Variants in SHPRH observed in about 807,000 individuals in gnomAD.
SHPRH encodes SNF2 histone linker PHD RING helicase.
In SHPRH, 106 loss-of-function variants were observed where a neutral mutation model predicts 202.5. That is an observed-to-expected ratio of 0.52 (90% confidence interval 0.45 to 0.62). The LOEUF (loss-of-function observed/expected upper bound fraction) is 0.62. SHPRH is among the 20% of genes least tolerant of loss of function. The probability of loss-of-function intolerance (pLI) is 0.00; values close to 1 mark genes in which losing one functional copy is unlikely to be tolerated. For missense variants in SHPRH, 1,710 were observed against 2,020.0 expected, an observed-to-expected ratio of 0.85 and a Z score of 2.94; for synonymous variants, 729 against 686.0, an observed-to-expected ratio of 1.06 and a Z score of -0.98.
chr6:145,948,079 C>T (rs1787584832), intron 5 of SHPRH, among the ~76,000 whole-genome samples, 193 bp downstream of exon 5: 1 of 151,888 alleles, frequency 6.6e-6, no homozygotes, highest in Non-Finnish European at 1.5e-5. Flanking sequence ...TCTATTATTC[C>T]AAATTCATTT....
At chr6:145,894,374 G>T in intron 26 of SHPRH, 138 bp from the exon 27 acceptor site, 1 of 490,154 alleles carries the variant, frequency 2.0e-6, no homozygotes, top group South Asian at 3.7e-5. Context: ...CTCAAATGTA[G>T]TACCATCCAT....
intron 25 of SHPRH, chr6:145,909,840 C>T (rs1783329219): frequency 6.6e-6 from 1 of 151,878 alleles, no homozygotes; most frequent in Admixed American, 6.6e-5. Flanking sequence ...TATTAAATAC[C>T]CCTTAAAAGC....
the SHPRH span, among the ~76,000 whole-genome samples, chr6:145,858,079 A>T: frequency 2.0e-5 from 3 of 152,146 alleles, no homozygotes; most frequent in Non-Finnish European, 4.4e-5. Flanking sequence ...GTTGGTGAGG[A>T]TGTGAAGAAA....
intron 25 of SHPRH, among the ~76,000 whole-genome samples, chr6:145,895,751 A>C (rs1186656699): frequency 6.6e-6 from 1 of 152,030 alleles, no homozygotes. Flanking sequence ...ATTTAAGTTC[A>C]ACTCATAGTT....
chr6:145,864,941 A>ACT (rs767915428), intron 2 of SHPRH, among the ~76,000 whole-genome samples: 2 of 95,696 alleles, frequency 2.1e-5, no homozygotes, highest in Non-Finnish European at 4.9e-5. Context: ...AAACACACAC[A>ACT]CTCACACACA....
Position 145,919,343 on chromosome 6 carries a change from A to T in SHPRH, c.4152+5T>A. ...TCCCTTTTCTGTGATTTACTTGCCA[A>T]TTACCTCATGTGGTTCAATGATATG... is the stretch of plus-strand genomic sequence containing the variant. On this transcript the variant is annotated splice_donor_5th_base_variant and intron_variant, in intron 22 of 29. Transcript: ENST00000275233. 6.2e-7 allele frequency: 1 copy of T among 1,612,438 alleles called. No homozygotes were observed. Among genetic ancestry groups the T allele is most frequent in the Non-Finnish European group, 8.5e-7 (1 of 1,179,014 alleles).
At chr6:145,874,506 CA>C (rs1484416054) in intron 2 of SHPRH, among the ~76,000 whole-genome samples, 1 of 151,894 alleles carries the variant, frequency 6.6e-6, no homozygotes, top group Non-Finnish European at 1.5e-5. Flanking sequence ...AATTGACATA[CA>C]AAAATTGTAC....
chr6:145,880,815 G>A (rs1469001707), downstream of SHPRH, among the ~76,000 whole-genome samples: 1 of 152,056 alleles, frequency 6.6e-6, no homozygotes, highest in Non-Finnish European at 1.5e-5. Context: ...ACAAAATGAT[G>A]TGAGGTTATG....
At chr6:145,959,210 A>G (rs1200462807) in intron 1 of SHPRH, among the ~76,000 whole-genome samples, 1 of 152,182 alleles carries the variant, frequency 6.6e-6, no homozygotes, top group Non-Finnish European at 1.5e-5. Context: ...AGTGTACAGT[A>G]ATGTCCCAGG....
chr6:145,955,655 A>G (rs946310563), intron 1 of SHPRH, among the ~76,000 whole-genome samples: 12 of 152,188 alleles, frequency 7.9e-5, no homozygotes, highest in Non-Finnish European at 1.6e-4. Context: ...TATAATAGGA[A>G]GGTAAATCTC....
chr6:145,951,805 G>C (rs536231280), intron 3 of SHPRH: 8 of 456,004 alleles, frequency 1.8e-5, no homozygotes, highest in African/African-American at 1.6e-4. Flanking sequence ...AGCAGAACTT[G>C]GAGAATTTGG....
chr6:145,938,200 T>C (rs967463526), intron 11 of SHPRH, among the ~76,000 whole-genome samples: 17 of 152,218 alleles, frequency 1.1e-4, no homozygotes, highest in Admixed American at 3.9e-4. Flanking sequence ...GTGGATTAAT[T>C]GTCATTATTG....
intron 23 of SHPRH, among the ~76,000 whole-genome samples, chr6:145,915,817 T>C (rs1436973249): frequency 1.6e-5 from 2 of 121,270 alleles, no homozygotes; most frequent in Admixed American, 9.0e-5. Flanking sequence ...TTTTGTTTTT[T>C]TCTTTACTTA....
At chr6:145,913,657 C>T in intron 23 of SHPRH, 108 bp from the exon 24 acceptor site, 1 of 772,432 alleles carries the variant, frequency 1.3e-6, no homozygotes, top group Non-Finnish European at 2.0e-6. Context: ...TTACAATTTA[C>T]ATAATCTAAC....
At chr6:145,962,315 TA>T (rs1206875918) in intron 1 of SHPRH, among the ~76,000 whole-genome samples, 2 of 152,150 alleles carry the variant, frequency 1.3e-5, no homozygotes, top group Non-Finnish European at 2.9e-5. Context: ...TGCTAGGAAG[TA>T]AAGACATACA....
intron 2 of SHPRH, among the ~76,000 whole-genome samples, chr6:145,867,631 T>TATATATAGAGAGAGAGAGAGAGAGAG (rs1554220329): frequency 4.5e-5 from 1 of 22,314 alleles, no homozygotes; most frequent in Non-Finnish European, 7.5e-5. Context: ...TATATATATA[T>TATATATAGAGAGAGAGAGAGAGAGAG]AGAGAGAGAG....
At chr6:145,880,894 TA>T (rs1780534137), downstream of SHPRH, among the ~76,000 whole-genome samples, 1 of 152,132 alleles carries the variant, frequency 6.6e-6, no homozygotes, top group Admixed American at 6.5e-5. Context: ...TTTCGAGTGA[TA>T]AAAACTTAAC....
intron 14 of SHPRH, among the ~76,000 whole-genome samples, chr6:145,931,228 T>C (rs935839787): frequency 3.9e-5 from 6 of 152,184 alleles, no homozygotes; most frequent in Admixed American, 6.6e-5. Context: ...CCATTTCAGT[T>C]TACGTGATCA....
intron 2 of SHPRH, among the ~76,000 whole-genome samples, chr6:145,866,044 T>C (rs575348726): frequency 6.6e-6 from 1 of 152,360 alleles, no homozygotes; most frequent in East Asian, 1.9e-4. Flanking sequence ...TTTACAACTC[T>C]TTGTTAAACT....
Sources: gnomAD v4.1 joint callset for allele counts (sites outside exome capture counted in the v4.1 genomes callset) on GRCh38, gnomAD v4.1.1 for gene constraint, MANE v1.5 for transcripts, NCBI Gene and HGNC (gene_info 2026-07-23, HGNC 2026-07-21) for gene names.